CLMN: variants seen among roughly 807,000 people sequenced by gnomAD.
The protein encoded by CLMN is calmin.
In CLMN, 57 loss-of-function variants were observed where a neutral mutation model predicts 92.7. The observed-to-expected ratio is 0.61, with a 90% confidence interval of 0.50 to 0.77. The LOEUF (loss-of-function observed/expected upper bound fraction) is 0.77, where lower values mean the gene tolerates loss of function less well. CLMN is among the 30% of genes least tolerant of loss of function. The pLI, the probability that CLMN is intolerant of heterozygous loss-of-function variation, is 0.00. For missense variants in CLMN, 1,158 were observed against 1,237.5 expected, an observed-to-expected ratio of 0.94 and a Z score of 0.96; for synonymous variants, 466 against 470.6, an observed-to-expected ratio of 0.99 and a Z score of 0.13.
At chr14:95,305,441 G>C (rs963154822) in intron 1 of CLMN, among the ~76,000 whole-genome samples, 17 of 152,200 alleles carry the variant, frequency 1.1e-4, no homozygotes, top group African/African-American at 3.9e-4. Flanking sequence ...GAATAAGAGA[G>C]AGTTCTCGCA....
intron 1 of CLMN, among the ~76,000 whole-genome samples, chr14:95,263,884 G>A (rs1440460815): frequency 6.6e-6 from 1 of 152,174 alleles, no homozygotes; most frequent in Non-Finnish European, 1.5e-5. Flanking sequence ...AATGCCCAGT[G>A]AGTGTCGGTT....
intron 9 of CLMN, among the ~76,000 whole-genome samples, 195 bp downstream of exon 9, chr14:95,202,643 A>G (rs1320000813): frequency 6.6e-6 from 1 of 152,186 alleles, no homozygotes; most frequent in African/African-American, 2.4e-5. Flanking sequence ...GGATTTCAGG[A>G]GGTGCTCACT....
At position 95,222,320 on chromosome 14, in the gene CLMN, GAGAA is replaced by G. The variant is rs1897570701; in HGVS notation, c.241-550_241-547del. On this transcript the variant is annotated intron_variant, in intron 3 of 12. Transcript: ENST00000298912. ...GTCGAAAGAGAGAAAGAGAGAGAAA[GAGAA>G]AGAAAGAGACGTCTGCAGAAGCTAA... 2.1e-5 allele frequency: 5 copies of G among 240,336 alleles called. No homozygotes were observed. The South Asian group carries it at 2.4e-4, about 11-fold the overall frequency. The allele number at this position is 240,336 out of a possible 1,614,324, so 14.9% of individuals were successfully genotyped here.
At chr14:95,242,129 C>T (rs1191040006) in intron 1 of CLMN, among the ~76,000 whole-genome samples, 2 of 149,168 alleles carry the variant, frequency 1.3e-5, no homozygotes, top group Non-Finnish European at 2.9e-5. Context: ...CCTGGGTGCA[C>T]ATGATGGTCA....
rs78443297 is a variant in CLMN at position 95,193,259 on chromosome 14, G to A, written c.2840+590C>T. On this transcript the variant is annotated intron_variant, in intron 12 of 12. Coordinates refer to ENST00000298912, the MANE Select transcript of CLMN (RefSeq NM_024734.4). ...TGGTTTCCTATGTTTTAAATGGGCA[G>A]GTTTCCAGCAATTCAGCAACATTAG... The A allele has an allele frequency of 1.3e-3, 1,534 of 1,142,792 alleles. 19 individuals are homozygous for A. In the East Asian group the frequency reaches 0.032, roughly 24 times the overall value. 70.8% of individuals were successfully genotyped at this position (1,142,792 alleles called of 1,614,324 possible).
chr14:95,197,712 C>T (rs1896758492), intron 9 of CLMN, among the ~76,000 whole-genome samples: 1 of 152,212 alleles, frequency 6.6e-6, no homozygotes, highest in African/African-American at 2.4e-5. Flanking sequence ...GTCAGCAAGG[C>T]TCCCGAGTGA....
At chr14:95,268,777 C>CCTCT (rs1195649669) in intron 1 of CLMN, among the ~76,000 whole-genome samples, 1 of 129,652 alleles carries the variant, frequency 7.7e-6, no homozygotes, top group East Asian at 2.1e-4. Context: ...TATACTGGGA[C>CCTCT]CTCTCTCTCT....
intron 1 of CLMN, among the ~76,000 whole-genome samples, chr14:95,305,979 C>T (rs1368259150): frequency 6.6e-6 from 1 of 152,148 alleles, no homozygotes; most frequent in Non-Finnish European, 1.5e-5. Flanking sequence ...GTTCATTTTC[C>T]CATGTGCAAA....
intron 1 of CLMN, among the ~76,000 whole-genome samples, chr14:95,235,924 G>A (rs564646867): frequency 3.3e-5 from 5 of 152,292 alleles, no homozygotes; most frequent in South Asian, 4.1e-4. Context: ...CTGCCACCAG[G>A]ATGGGTGAGC....
intron 1 of CLMN, among the ~76,000 whole-genome samples, chr14:95,275,694 C>T (rs1374760084): frequency 6.6e-6 from 1 of 152,188 alleles, no homozygotes; most frequent in East Asian, 1.9e-4. Flanking sequence ...AACAGTTTCA[C>T]TTTCATCACC....
chr14:95,220,963 G>T (rs1017371391), intron 4 of CLMN, among the ~76,000 whole-genome samples: 3 of 152,214 alleles, frequency 2.0e-5, no homozygotes, highest in Admixed American at 6.5e-5. Context: ...TCATTCTGTG[G>T]CTACTCGGCA....
At chr14:95,210,440 A>G (rs1460325514) in intron 7 of CLMN, among the ~76,000 whole-genome samples, 1 of 152,256 alleles carries the variant, frequency 6.6e-6, no homozygotes, top group Non-Finnish European at 1.5e-5. Context: ...TAAAATACTT[A>G]TGATATAATG....
At chr14:95,280,685 T>C (rs887835702) in intron 1 of CLMN, among the ~76,000 whole-genome samples, 2 of 152,232 alleles carry the variant, frequency 1.3e-5, no homozygotes, top group African/African-American at 2.4e-5. Context: ...TTTGGCTTAT[T>C]TGGTATATTA....
chr14:95,304,439 A>G (rs1208985159), intron 1 of CLMN, among the ~76,000 whole-genome samples: 1 of 152,106 alleles, frequency 6.6e-6, no homozygotes, highest in Non-Finnish European at 1.5e-5. Flanking sequence ...AGGGTCGGGA[A>G]TTAGTGGTGG....
chr14:95,275,949 C>A (rs1298511612), intron 1 of CLMN, among the ~76,000 whole-genome samples: 1 of 152,230 alleles, frequency 6.6e-6, no homozygotes, highest in Non-Finnish European at 1.5e-5. Context: ...AGGCATGAGC[C>A]ACCATGCCTG....
chr14:95,287,957 T>C (rs1484129202), intron 1 of CLMN, among the ~76,000 whole-genome samples: 1 of 152,176 alleles, frequency 6.6e-6, no homozygotes, highest in Non-Finnish European at 1.5e-5. Flanking sequence ...TACAAAGATT[T>C]CCTGTTCATT....
At position 95,204,090 on chromosome 14, in the gene CLMN, A is replaced by G. The variant is rs758942072; in HGVS notation, c.1259T>C (p.Leu420Ser). Residue 420 changes from leucine (L) to serine (S), a missense_variant, in exon 9 of 13, where the codon TTG (leucine) becomes TCG (serine). Coordinates refer to ENST00000298912, the MANE Select transcript of CLMN (RefSeq NM_024734.4). ...AAAGTGAACTGTTTTCTTGATCGGCAAAGAGTTGGACCTCCCGTTCTCCTT... is the reference window on the plus strand; with the variant it reads ...AAAGTGAACTGTTTTCTTGATCGGCGAAGAGTTGGACCTCCCGTTCTCCTT... ...SRKENGRSNS[L>S]PIKKTVHFEA... 1.2e-6 allele frequency: 2 copies of G among 1,614,130 alleles called. No individual in the cohort carries two copies. Among genetic ancestry groups the G allele is most frequent in the Admixed American group, 3.3e-5 (2 of 60,022 alleles).
At chr14:95,303,131 G>A (rs2140782583) in intron 1 of CLMN, among the ~76,000 whole-genome samples, 1 of 152,352 alleles carries the variant, frequency 6.6e-6, no homozygotes, top group Admixed American at 6.5e-5. Context: ...ATCCTGCCAT[G>A]AAGAAAAGCT....
Position 95,203,677 on chromosome 14 carries a change from C to T in CLMN, c.1672G>A (p.Ala558Thr), listed in dbSNP as rs561723763. 2 of 1,614,126 alleles carry T rather than the reference C, an allele frequency of 1.2e-6. No individual in the cohort carries two copies. The highest frequency in any genetic ancestry group is 1.7e-6 in the Non-Finnish European group (2 of 1,180,022). ...EALEEGDYFE[A>T]IPLKASKFNS... ...AATTTTGAGGCTTTTAATGGGATGG[C>T]TTCAAAATAGTCTCCCTCCTCTAAA... Residue 558 changes from alanine to threonine, a missense_variant, in exon 9 of 13, where the codon GCC (alanine) becomes ACC (threonine). By Grantham distance (58) the Ala-to-Thr change is moderately conservative (BLOSUM62 0). Coordinates refer to ENST00000298912, the MANE Select transcript of CLMN (RefSeq NM_024734.4).
Sources: gnomAD v4.1 joint callset for allele counts (sites outside exome capture counted in the v4.1 genomes callset) on GRCh38, gnomAD v4.1.1 for gene constraint, MANE v1.5 for transcripts, NCBI Gene and HGNC (gene_info 2026-07-23, HGNC 2026-07-21) for gene names.